The following PLEKHG1 variants were observed in gnomAD, a reference collection of about 807,000 sequenced individuals.
The protein encoded by PLEKHG1 is pleckstrin homology domain-containing family G member 1.
PLEKHG1 carries 44 observed loss-of-function variants against 100.8 expected under a neutral mutation model. The ratio of observed to expected loss-of-function variants is 0.44; its 90% CI spans 0.34 to 0.56. The LOEUF (loss-of-function observed/expected upper bound fraction) is 0.56, where lower values mean the gene tolerates loss of function less well. Among genes scored for constraint, PLEKHG1 ranks in the 20% least tolerant of loss-of-function variants. PLEKHG1 has a pLI of 0.01. For synonymous variants in PLEKHG1, 640 were observed against 662.5 expected (o/e 0.97, Z 0.52); for missense variants, 1,545 against 1,720.9 (o/e 0.90, Z 1.81).
intron 1 of PLEKHG1, chr6:150,624,867 T>G (rs1195229442): frequency 6.6e-6 from 1 of 152,120 alleles, no homozygotes; most frequent in Non-Finnish European, 1.5e-5. Context: ...TCATAACAAC[T>G]AAGTATAATG....
At chr6:150,824,129 G>A (rs761497911) in intron 14 of PLEKHG1, among the ~76,000 whole-genome samples, 4 of 152,240 alleles carry the variant, frequency 2.6e-5, no homozygotes, top group Non-Finnish European at 4.4e-5. Flanking sequence ...TGCTGCTGAC[G>A]TAAGAGGTGA....
In PLEKHG1 at chr6:150,842,570, T is replaced by C. The variant is rs184326375; in HGVS notation, c.*1674T>C. Reference sequence around the variant, plus strand: ...TTGCTTCTCCAAAGTATTCTTCTCATAGCTTATAAAAGAAAGTCCACATTG... The same window carrying C: ...TTGCTTCTCCAAAGTATTCTTCTCACAGCTTATAAAAGAAAGTCCACATTG... On this transcript the variant is annotated 3_prime_UTR_variant, in exon 16 of 16. Coordinates refer to ENST00000358517, the Ensembl canonical transcript of PLEKHG1. The C allele has an allele frequency of 3.3e-5, 5 of 152,332 alleles. No individual in the cohort carries two copies. In the East Asian group the frequency reaches 9.6e-4, roughly 29 times the overall value. The allele number at this position is 152,332 out of a possible 1,614,324, so 9.4% of individuals were successfully genotyped here. A position where few individuals can be genotyped will look rare whatever the true frequency, so the allele number is the denominator to read the frequency against.
chr6:150,760,536 C>T (rs185667964), intron 2 of PLEKHG1, among the ~76,000 whole-genome samples: 54 of 151,806 alleles, frequency 3.6e-4, no homozygotes, highest in East Asian at 1.4e-3. Flanking sequence ...CTGGTAAACA[C>T]GGTGGTGGCC....
chr6:150,751,507 C>T lies in PLEKHG1; in HGVS notation c.412-17131C>T, dbSNP rs1042424742. 2.6e-5 allele frequency among the ~76,000 whole-genome samples: 4 copies of T among 152,174 alleles called. No individual in the cohort carries two copies. The East Asian group carries it at 7.7e-4, about 29-fold the overall frequency. ...CCAGCCTCAGCCCTCAAAAATGCAA[C>T]CAGGAAATAAGTAAGTCCTTTGAGC... On this transcript the variant is annotated intron_variant, in intron 2 of 15. Coordinates refer to ENST00000358517, the Ensembl canonical transcript of PLEKHG1.
At chr6:150,708,790 G>A (rs141653565) in intron 3 of PLEKHG1, among the ~76,000 whole-genome samples, 341 of 152,284 alleles carry the variant, frequency 2.2e-3, no homozygotes, top group African/African-American at 7.7e-3. Flanking sequence ...CTTATGGCAG[G>A]TGCTTATTTG....
intron 1 of PLEKHG1, among the ~76,000 whole-genome samples, chr6:150,607,294 G>C (rs113502805): frequency 2.0e-5 from 3 of 152,264 alleles, no homozygotes; most frequent in African/African-American, 7.2e-5. Context: ...GAGCTGGTGA[G>C]GCTGATCCCC....
chr6:150,820,084 C>T (rs1210188297), intron 12 of PLEKHG1, among the ~76,000 whole-genome samples: 1 of 152,126 alleles, frequency 6.6e-6, no homozygotes, highest in Non-Finnish European at 1.5e-5. Context: ...TGGTGTGCGC[C>T]TATAATCCTA....
Position 150,840,544 on chromosome 6 carries a change from A to G in PLEKHG1, c.3806A>G (p.Asn1269Ser), listed in dbSNP as rs761767231. 5 of 1,614,058 alleles carry G rather than the reference A, an allele frequency of 3.1e-6. No homozygotes were observed. The East Asian group carries it at 8.9e-5, about 29-fold the overall frequency. Reference sequence around the variant, plus strand: ...ATTGCAACACAGAATTATTTTTCCAATTTCAAAGAGACTGATGGAGATGAA... The same window carrying G: ...ATTGCAACACAGAATTATTTTTCCAGTTTCAAAGAGACTGATGGAGATGAA... The change falls in exon 16 of 16, where the codon AAT (asparagine) becomes AGT (serine). Residue 1269 changes from asparagine to serine, a missense_variant. Physicochemically the swap from Asn to Ser is conservative, Grantham distance 46 (BLOSUM62 1). Coordinates refer to ENST00000358517, the Ensembl canonical transcript of PLEKHG1.
intron 3 of PLEKHG1, among the ~76,000 whole-genome samples, chr6:150,694,379 A>G (rs1254759776): frequency 2.0e-5 from 3 of 152,200 alleles, no homozygotes; most frequent in East Asian, 1.9e-4. Context: ...TGAGCTTTCA[A>G]TGAATTAATT....
At chr6:150,719,134 C>T (rs1381706512), upstream of PLEKHG1, among the ~76,000 whole-genome samples, 1 of 152,178 alleles carries the variant, frequency 6.6e-6, no homozygotes, top group Non-Finnish European at 1.5e-5. Flanking sequence ...CCCCCGCTGT[C>T]ACTTCAAAGC....
intron 2 of PLEKHG1, among the ~76,000 whole-genome samples, chr6:150,748,000 C>T (rs570986435): frequency 1.3e-5 from 2 of 152,266 alleles, no homozygotes; most frequent in East Asian, 1.9e-4. Context: ...CAGAACTTTT[C>T]CATCCTCCAA....
chr6:150,822,933 T>C (rs891501980), intron 13 of PLEKHG1, among the ~76,000 whole-genome samples: 4 of 152,134 alleles, frequency 2.6e-5, no homozygotes, highest in East Asian at 1.9e-4. Flanking sequence ...TGAGCCGAGA[T>C]TGTGCCACTG....
At chr6:150,732,975 A>G (rs1782352418) in intron 1 of PLEKHG1, among the ~76,000 whole-genome samples, 1 of 152,224 alleles carries the variant, frequency 6.6e-6, no homozygotes, top group Non-Finnish European at 1.5e-5. Flanking sequence ...TGTCTATGTG[A>G]CACTTTCTTT....
intron 10 of PLEKHG1, among the ~76,000 whole-genome samples, chr6:150,815,840 A>G (rs964434766): frequency 1.3e-5 from 2 of 152,220 alleles, no homozygotes; most frequent in Non-Finnish European, 2.9e-5. Context: ...AAAAATGAAA[A>G]TAACTTTAAA....
At chr6:150,618,050 A>C (rs1777142768) in intron 1 of PLEKHG1, among the ~76,000 whole-genome samples, 1 of 152,200 alleles carries the variant, frequency 6.6e-6, no homozygotes, top group Non-Finnish European at 1.5e-5. Flanking sequence ...TATAAATTAT[A>C]CTCATAGAAT....
chr6:150,828,639 A>G (rs1345916195), intron 14 of PLEKHG1, among the ~76,000 whole-genome samples: 1 of 152,148 alleles, frequency 6.6e-6, no homozygotes, highest in Non-Finnish European at 1.5e-5. Context: ...AGATACTTCA[A>G]TATTAACAAT....
chr6:150,630,697 C>CTCA (rs1195434774), intron 1 of PLEKHG1, among the ~76,000 whole-genome samples: 2 of 152,016 alleles, frequency 1.3e-5, no homozygotes, highest in Non-Finnish European at 2.9e-5. Flanking sequence ...GAGAGGGGGC[C>CTCA]GGTGTGGAAA....
intron 3 of PLEKHG1, among the ~76,000 whole-genome samples, chr6:150,779,124 C>T (rs1441778792): frequency 6.6e-6 from 1 of 152,022 alleles, no homozygotes; most frequent in South Asian, 2.1e-4. Context: ...GGTTTCCTCA[C>T]CTTAAAATTA....
At chr6:150,801,044 C>T (rs867724610) in intron 6 of PLEKHG1, among the ~76,000 whole-genome samples, 175 bp downstream of exon 7, 7 of 152,262 alleles carry the variant, frequency 4.6e-5, no homozygotes, top group African/African-American at 9.6e-5. Flanking sequence ...ATTCTAGGCC[C>T]GTAGCCCCAT....
Sources: allele counts gnomAD v4.1 joint callset (sites outside exome capture counted in the v4.1 genomes callset), GRCh38; gene constraint gnomAD v4.1.1; transcripts MANE v1.5; gene names NCBI Gene and HGNC (gene_info 2026-07-23, HGNC 2026-07-21).